The following ELMO1 variants were observed in gnomAD, a reference collection of about 807,000 sequenced individuals.
ELMO1 encodes engulfment and cell motility protein 1.
ELMO1 carries 26 observed loss-of-function variants against 98.9 expected under a neutral mutation model. That is an observed-to-expected ratio of 0.26 (90% CI 0.19 to 0.36). The LOEUF is 0.36. Among genes scored for constraint, ELMO1 ranks in the 10% least tolerant of loss-of-function variants. ELMO1 has a pLI of 1.00. For missense variants in ELMO1, 627 were observed against 935.2 expected (o/e 0.67, Z 4.30); for synonymous variants, 346 against 346.0 (o/e 1.00, Z 0.00).
At chr7:37,395,972 C>T (rs1803285940) in intron 1 of ELMO1, among the ~76,000 whole-genome samples, 1 of 151,388 alleles carries the variant, frequency 6.6e-6, no homozygotes, top group Non-Finnish European at 1.5e-5. Flanking sequence ...TTACTTATTT[C>T]TTCCTTTTAT....
chr7:37,219,365 A>G (rs1043079665), intron 10 of ELMO1, among the ~76,000 whole-genome samples: 2 of 152,188 alleles, frequency 1.3e-5, no homozygotes, highest in African/African-American at 2.4e-5. Context: ...ACCCCAGATA[A>G]TGGAGTCCTG....
chr7:37,159,682 C>A (rs531730561), intron 13 of ELMO1, among the ~76,000 whole-genome samples: 1 of 151,820 alleles, frequency 6.6e-6, no homozygotes, highest in African/African-American at 2.4e-5. Context: ...CAGGGTGACA[C>A]AGCGAGACTC....
chr7:36,942,016 G>A (rs1016796944), intron 16 of ELMO1, among the ~76,000 whole-genome samples: 1 of 152,210 alleles, frequency 6.6e-6, no homozygotes, highest in Non-Finnish European at 1.5e-5. Context: ...CCTTAGCTTC[G>A]TGCTGAATGA....
chr7:36,995,587 A>T (rs1792152904), intron 16 of ELMO1, among the ~76,000 whole-genome samples: 1 of 152,104 alleles, frequency 6.6e-6, no homozygotes, highest in South Asian at 2.1e-4. Context: ...TGCTCTACTC[A>T]CATTTAATAT....
chr7:37,239,467 T>C (rs554029010), intron 7 of ELMO1, among the ~76,000 whole-genome samples: 1 of 152,264 alleles, frequency 6.6e-6, no homozygotes, highest in Non-Finnish European at 1.5e-5. Flanking sequence ...GCCCAGCCAA[T>C]TTCAATTTTT....
At chr7:37,385,630 G>T (rs1242285750) in intron 1 of ELMO1, among the ~76,000 whole-genome samples, 1 of 152,210 alleles carries the variant, frequency 6.6e-6, no homozygotes, top group African/African-American at 2.4e-5. Flanking sequence ...TCCCTGAATA[G>T]AAAAGAAGCT....
rs75340428 is a variant in ELMO1 at position 37,024,903 on chromosome 7, G to A, written c.1301-11468C>T. 5.3e-3 allele frequency among the ~76,000 whole-genome samples: 810 copies of A among 152,242 alleles called. 3 individuals are homozygous for A. The highest frequency in any genetic ancestry group is 0.019 in the African/African-American group (783 of 41,546). ...GAAAGGTACCCTGATCTCCTAGAAAGTTATAGAGCAGCATTCCCAAGGTCA... is the reference window on the plus strand; with the variant it reads ...GAAAGGTACCCTGATCTCCTAGAAAATTATAGAGCAGCATTCCCAAGGTCA... On this transcript the variant is annotated intron_variant, in intron 15 of 21. Coordinates refer to ENST00000310758, the MANE Select transcript of ELMO1 (RefSeq NM_014800.11).
intron 4 of ELMO1, among the ~76,000 whole-genome samples, chr7:37,311,948 T>G (rs1303143598): frequency 2.6e-5 from 4 of 152,200 alleles, no homozygotes; most frequent in African/African-American, 9.7e-5. Context: ...AATAATAATT[T>G]CCTCCATTCT....
intron 16 of ELMO1, among the ~76,000 whole-genome samples, chr7:36,976,799 G>C (rs1790586636): frequency 6.6e-6 from 1 of 152,202 alleles, no homozygotes. Flanking sequence ...TCTGAAAATG[G>C]ATTATTGTAA....
chr7:37,196,294 G>C (rs1217603721), intron 13 of ELMO1, among the ~76,000 whole-genome samples: 1 of 152,154 alleles, frequency 6.6e-6, no homozygotes, highest in Admixed American at 6.6e-5. Context: ...AGGGTGAAAG[G>C]GGCCAAACAC....
chr7:36,952,265 G>C (rs1453976664), intron 16 of ELMO1, among the ~76,000 whole-genome samples: 1 of 152,170 alleles, frequency 6.6e-6, no homozygotes, highest in Non-Finnish European at 1.5e-5. Context: ...GCCATCAGAG[G>C]CCCTTTAATG....
intron 14 of ELMO1, among the ~76,000 whole-genome samples, chr7:37,131,920 C>G (rs1786947112): frequency 6.6e-6 from 1 of 152,166 alleles, no homozygotes; most frequent in African/African-American, 2.4e-5. Context: ...TCTGGCATGG[C>G]CTTATTCAAG....
chr7:36,863,158 G>A (rs1441397194), intron 20 of ELMO1, among the ~76,000 whole-genome samples: 1 of 152,104 alleles, frequency 6.6e-6, no homozygotes, highest in Non-Finnish European at 1.5e-5. Flanking sequence ...TCCTCACCTT[G>A]ACAGAAATAG....
At chr7:36,982,517 T>G (rs1791152678) in intron 16 of ELMO1, among the ~76,000 whole-genome samples, 1 of 152,216 alleles carries the variant, frequency 6.6e-6, no homozygotes, top group African/African-American at 2.4e-5. Flanking sequence ...AAATGAGATC[T>G]GCTATATTGT....
chr7:37,121,088 C>G (rs892182850), intron 14 of ELMO1, among the ~76,000 whole-genome samples: 1 of 152,184 alleles, frequency 6.6e-6, no homozygotes, highest in African/African-American at 2.4e-5. Flanking sequence ...GGAAAACTAA[C>G]AAACAGAAAG....
chr7:37,220,228 T>C (rs1793518157), intron 10 of ELMO1, among the ~76,000 whole-genome samples: 1 of 152,254 alleles, frequency 6.6e-6, no homozygotes, highest in Admixed American at 6.5e-5. Flanking sequence ...AAAATCATGA[T>C]ACTCCCTTTA....
chr7:37,234,484 G>A (rs1388149863), intron 7 of ELMO1, among the ~76,000 whole-genome samples: 3 of 152,190 alleles, frequency 2.0e-5, no homozygotes, highest in African/African-American at 7.2e-5. Flanking sequence ...TATAGAAGGG[G>A]AAGTGGTTCT....
chr7:37,030,620 A>G (rs964557220), intron 15 of ELMO1, among the ~76,000 whole-genome samples: 1 of 152,150 alleles, frequency 6.6e-6, no homozygotes, highest in African/African-American at 2.4e-5. Context: ...TTACTACCTC[A>G]CAGGGGAAAA....
At chr7:37,418,547 G>T (rs1472359779) in intron 1 of ELMO1, among the ~76,000 whole-genome samples, 1 of 152,192 alleles carries the variant, frequency 6.6e-6, no homozygotes, top group Non-Finnish European at 1.5e-5. Flanking sequence ...GGGTGAGCAA[G>T]ACCTCTGGCA....
Sources: gnomAD v4.1 joint callset for allele counts (sites outside exome capture counted in the v4.1 genomes callset) on GRCh38, gnomAD v4.1.1 for gene constraint, MANE v1.5 for transcripts, NCBI Gene and HGNC (gene_info 2026-07-23, HGNC 2026-07-21) for gene names.